CCSER2: variants seen among roughly 807,000 people sequenced by gnomAD.
CCSER2 encodes coiled-coil serine rich protein 2.
A neutral mutation model predicts 92.3 loss-of-function variants in CCSER2; 46 were observed. The ratio of observed to expected loss-of-function variants is 0.50; its 90% CI spans 0.39 to 0.64. The LOEUF is 0.64. CCSER2 is among the 30% of genes least tolerant of loss of function. The probability of loss-of-function intolerance (pLI) is 0.00; values close to 1 mark genes in which losing one functional copy is unlikely to be tolerated. For missense variants in CCSER2, 1,244 were observed against 1,238.9 expected (o/e 1.00, Z -0.06); for synonymous variants, 433 against 431.4 (o/e 1.00, Z -0.04).
chr10:84,483,584 A>G (rs1288655429), intron 9 of CCSER2, among the ~76,000 whole-genome samples: 1 of 152,016 alleles, frequency 6.6e-6, no homozygotes, highest in Non-Finnish European at 1.5e-5. Flanking sequence ...AACCGTGGAA[A>G]TTTATCAGCA....
rs71013322 is a variant in CCSER2, at chr10:84,436,634, C to CAAA, written c.1869-1862_1869-1860dup. On this transcript the variant is annotated intron_variant, in intron 5 of 9. Coordinates refer to ENST00000372088, the MANE Select transcript of CCSER2 (RefSeq NM_001284240.2). The stretch of plus-strand genomic sequence containing the variant: ...TGGGGGACAGAGCGAGACTCCGTCT[C>CAAA]AAAAAAAAAAAAAAAAAAGGAAGTC... Among the ~76,000 whole-genome samples, 654 of 93,784 alleles carry CAAA rather than the reference C, an allele frequency of 7.0e-3. 11 individuals carry two copies. The highest frequency in any genetic ancestry group is 0.041 in the East Asian group (135 of 3,292). The allele number at this position is 93,784 out of a possible 152,430, so 61.5% of individuals were successfully genotyped here.
At chr10:84,373,883 T>A in intron 3 of CCSER2, 68 bp downstream of exon 3, 4 of 1,587,918 alleles carry the variant, frequency 2.5e-6, no homozygotes, top group Non-Finnish European at 3.4e-6. Flanking sequence ...TGTGATATGA[T>A]TGATTTTGTA....
intron 9 of CCSER2, among the ~76,000 whole-genome samples, chr10:84,505,423 A>G (rs1271712066): frequency 6.6e-6 from 1 of 152,164 alleles, no homozygotes; most frequent in Non-Finnish European, 1.5e-5. Context: ...TTGAATTGTC[A>G]AACATGCTCA....
intron 1 of CCSER2, among the ~76,000 whole-genome samples, chr10:84,340,807 A>G (rs1008885906): frequency 6.6e-5 from 10 of 152,068 alleles, no homozygotes; most frequent in African/African-American, 2.2e-4. Context: ...TTACTTCTAC[A>G]TCTGATGAGT....
intron 9 of CCSER2, among the ~76,000 whole-genome samples, chr10:84,478,586 A>G (rs1480284930): frequency 6.6e-6 from 1 of 152,212 alleles, no homozygotes; most frequent in East Asian, 1.9e-4. Context: ...ATAAGATACA[A>G]TGGTAGGAAT....
At chr10:84,458,443 A>G (rs1029156622) in intron 6 of CCSER2, among the ~76,000 whole-genome samples, 1 of 152,140 alleles carries the variant, frequency 6.6e-6, no homozygotes, top group African/African-American at 2.4e-5. Flanking sequence ...CTGGAGCTTT[A>G]TAGTAAGTCT....
chr10:84,401,884 C>T (rs1237624441), intron 3 of CCSER2, among the ~76,000 whole-genome samples: 3 of 152,170 alleles, frequency 2.0e-5, no homozygotes, highest in African/African-American at 7.2e-5. Flanking sequence ...GTTTCCAGTT[C>T]TATACTACAC....
intron 3 of CCSER2, among the ~76,000 whole-genome samples, chr10:84,416,541 C>G (rs1456844770): frequency 6.6e-6 from 1 of 152,136 alleles, no homozygotes; most frequent in Non-Finnish European, 1.5e-5. Context: ...GGGCCCAACA[C>G]AAAATTGAAT....
At chr10:84,491,984 A>C (rs1848197628) in intron 9 of CCSER2, among the ~76,000 whole-genome samples, 1 of 152,124 alleles carries the variant, frequency 6.6e-6, no homozygotes, top group Admixed American at 6.6e-5. Flanking sequence ...ACTTAGAAAA[A>C]AAATTGATTT....
At chr10:84,368,655 T>A (rs536464656) in intron 1 of CCSER2, among the ~76,000 whole-genome samples, 60 of 152,232 alleles carry the variant, frequency 3.9e-4, no homozygotes, top group African/African-American at 4.8e-4. Context: ...TGTATTTTTT[T>A]AAAAAAATAA....
rs1849589733 is a variant in CCSER2 at position 84,516,084 on chromosome 10, G to C, written c.*1817G>C. The C allele has an allele frequency of 6.6e-6, 1 of 152,190 alleles. No homozygotes were observed. Among genetic ancestry groups the C allele is most frequent in the African/African-American group, 2.4e-5 (1 of 41,438 alleles). 9.4% of individuals were successfully genotyped at this position (152,190 alleles called of 1,614,324 possible). ...GGCCAAAAAGTCACTCAAATTTCTA[G>C]AGATTCCTTTAAAAGATGTATGTTG... On this transcript the variant is annotated 3_prime_UTR_variant, in exon 10 of 10. Coordinates refer to ENST00000372088, the MANE Select transcript of CCSER2 (RefSeq NM_001284240.2).
intron 6 of CCSER2, among the ~76,000 whole-genome samples, chr10:84,449,445 T>C (rs1368255616): frequency 6.6e-6 from 1 of 152,134 alleles, no homozygotes; most frequent in African/African-American, 2.4e-5. Context: ...ACTTGTACGA[T>C]GTTGGAAAAG....
intron 3 of CCSER2, among the ~76,000 whole-genome samples, chr10:84,411,891 T>G (rs971033880): frequency 5.3e-5 from 8 of 152,336 alleles, no homozygotes; most frequent in African/African-American, 1.9e-4. Context: ...TGTGCTGGTT[T>G]TCAAGGGGAA....
chr10:84,490,743 C>T (rs543793557), intron 9 of CCSER2, among the ~76,000 whole-genome samples: 2 of 152,326 alleles, frequency 1.3e-5, no homozygotes, highest in South Asian at 4.1e-4. Flanking sequence ...CTCAACTTGT[C>T]GAAGTCATTC....
chr10:84,509,780 T>A (rs1175013877), intron 9 of CCSER2, among the ~76,000 whole-genome samples: 1 of 152,124 alleles, frequency 6.6e-6, no homozygotes, highest in Non-Finnish European at 1.5e-5. Flanking sequence ...AGTGGGGGGA[T>A]TCCTTTTGCC....
chr10:84,511,912 A>T (rs1435704799), intron 9 of CCSER2, among the ~76,000 whole-genome samples: 1 of 152,246 alleles, frequency 6.6e-6, no homozygotes, highest in African/African-American at 2.4e-5. Context: ...TGGGATATTT[A>T]GCTTGAGGCA....
At chr10:84,410,375 C>T (rs1190654874) in intron 3 of CCSER2, among the ~76,000 whole-genome samples, 4 of 152,214 alleles carry the variant, frequency 2.6e-5, no homozygotes, top group African/African-American at 4.8e-5. Flanking sequence ...ATTTATACTT[C>T]CACCAACAGT....
intron 6 of CCSER2, among the ~76,000 whole-genome samples, chr10:84,458,310 TG>T (rs1486252975): frequency 2.6e-5 from 4 of 152,324 alleles, no homozygotes; most frequent in Admixed American, 2.6e-4. Context: ...GTTTCTGTAG[TG>T]TTTTGCCTTT....
chr10:84,512,702 C>T (rs1272037343), intron 9 of CCSER2, among the ~76,000 whole-genome samples: 1 of 152,156 alleles, frequency 6.6e-6, no homozygotes, highest in Non-Finnish European at 1.5e-5. Context: ...ATTTGTTTTA[C>T]TCTGAGCCAT....
Sources: gnomAD v4.1 joint callset for allele counts (sites outside exome capture counted in the v4.1 genomes callset) on GRCh38, gnomAD v4.1.1 for gene constraint, MANE v1.5 for transcripts, NCBI Gene and HGNC (gene_info 2026-07-23, HGNC 2026-07-21) for gene names.